Variants in NEDD9 observed in about 807,000 individuals in gnomAD.
NEDD9 encodes the protein enhancer of filamentation 1.
In NEDD9, 26 loss-of-function variants were observed where a neutral mutation model predicts 76.6. The ratio of observed to expected loss-of-function variants is 0.34; its 90% CI spans 0.25 to 0.47. The LOEUF (loss-of-function observed/expected upper bound fraction) is 0.47. Ranked by LOEUF, NEDD9 falls within the 20% of genes least tolerant of loss-of-function variation. NEDD9 has a pLI of 1.00. For synonymous variants in NEDD9, 392 were observed against 414.2 expected, an observed-to-expected ratio of 0.95 and a Z score of 0.65; for missense variants, 937 against 1,058.5, an observed-to-expected ratio of 0.89 and a Z score of 1.59.
At chr6:11,347,599 C>T (rs1361420974) in intron 1 of NEDD9, among the ~76,000 whole-genome samples, 1 of 152,186 alleles carries the variant, frequency 6.6e-6, no homozygotes, top group African/African-American at 2.4e-5. Context: ...TAATCAACCA[C>T]AATCAAGTAG....
At chr6:11,301,417 G>A (rs1761041459) in intron 3 of NEDD9, among the ~76,000 whole-genome samples, 1 of 152,136 alleles carries the variant, frequency 6.6e-6, no homozygotes, top group Admixed American at 6.5e-5. Context: ...CAATAATAAT[G>A]GGAGACTTTA....
chr6:11,189,800 C>T (rs1284479067), intron 5 of NEDD9, among the ~76,000 whole-genome samples, 164 bp downstream of exon 5: 1 of 152,170 alleles, frequency 6.6e-6, no homozygotes, highest in Non-Finnish European at 1.5e-5. Flanking sequence ...CTCAGCCCAG[C>T]GTTCTTACTA....
chr6:11,319,163 C>T (rs892104898), intron 2 of NEDD9, among the ~76,000 whole-genome samples: 4 of 152,230 alleles, frequency 2.6e-5, no homozygotes, highest in African/African-American at 9.7e-5. Context: ...CTCTTCTGCC[C>T]ACTCAGAACA....
At chr6:11,356,001 G>A (rs147491775) in intron 1 of NEDD9, among the ~76,000 whole-genome samples, 134 of 152,186 alleles carry the variant, frequency 8.8e-4, no homozygotes, top group African/African-American at 2.7e-3. Flanking sequence ...GATTGCAGGC[G>A]TGAGCCACCA....
intron 2 of NEDD9, among the ~76,000 whole-genome samples, chr6:11,312,584 T>C (rs1761403586): frequency 6.6e-6 from 1 of 152,056 alleles, no homozygotes; most frequent in East Asian, 1.9e-4. Flanking sequence ...GTCATGTGAG[T>C]TCCCAATCTC....
chr6:11,269,296 A>C (rs1760257741), intron 3 of NEDD9, among the ~76,000 whole-genome samples: 1 of 152,220 alleles, frequency 6.6e-6, no homozygotes. Flanking sequence ...GGGGATGAGG[A>C]TTGAGAGAAC....
rs114746151 is a variant in NEDD9 at position 11,212,145 on chromosome 6, T to C, written c.459+1136A>G. On this transcript the variant is annotated intron_variant, in intron 2 of 6. Transcript: ENST00000379446. Reference sequence around the variant, plus strand: ...TACTTGGGGCAGGACACATCTATAGTTAGTGTTCTAAGGGTCAACAAGCTC... The same window carrying C: ...TACTTGGGGCAGGACACATCTATAGCTAGTGTTCTAAGGGTCAACAAGCTC... Among the ~76,000 whole-genome samples, 445 of 152,316 alleles carry C rather than the reference T, an allele frequency of 2.9e-3. 4 individuals are homozygous for C. The highest frequency in any genetic ancestry group is 0.01 in the African/African-American group (421 of 41,562).
At chr6:11,292,396 T>C (rs1232557146) in intron 3 of NEDD9, among the ~76,000 whole-genome samples, 2 of 152,236 alleles carry the variant, frequency 1.3e-5, no homozygotes, top group Non-Finnish European at 2.9e-5. Context: ...TTGTGACCCA[T>C]AATCAAACCC....
intron 3 of NEDD9, among the ~76,000 whole-genome samples, chr6:11,290,921 C>T (rs1373770748): frequency 6.6e-6 from 1 of 152,300 alleles, no homozygotes; most frequent in Middle Eastern, 3.4e-3. Flanking sequence ...GAGTGCTAGA[C>T]GGTAGAGTGC....
chr6:11,351,557 C>T (rs977218617), intron 1 of NEDD9, among the ~76,000 whole-genome samples: 7 of 152,194 alleles, frequency 4.6e-5, no homozygotes, highest in African/African-American at 9.7e-5. Flanking sequence ...ACATTGGACC[C>T]TGGTGTGAGT....
chr6:11,357,953 A>G (rs60191575), intron 1 of NEDD9, among the ~76,000 whole-genome samples: 46,899 of 152,098 alleles, frequency 0.31, 7,690 homozygotes, highest in African/African-American at 0.42. Flanking sequence ...GCAGCCATTC[A>G]ACTAAAGAAG....
chr6:11,190,926 C>G lies in NEDD9; in HGVS notation c.943G>C (p.Asp315His). Reference protein sequence around the residue: ...QLGQSVGSQNDAYDVPRGVQF... With the variant: ...QLGQSVGSQNHAYDVPRGVQF... ...ACGCCTCGGGGGACATCATATGCGTCGTTCTGAGAGCCCACTGACTGTCCG... is the reference window on the plus strand; with the variant it reads ...ACGCCTCGGGGGACATCATATGCGTGGTTCTGAGAGCCCACTGACTGTCCG... The change falls in exon 5 of 7, where the codon GAC becomes CAC. Residue 315 changes from aspartate to histidine, a missense_variant. By Grantham distance (81) the Asp-to-His change is moderately conservative (BLOSUM62 -1). Transcript: ENST00000379446. This position sits in a 1 kb window ranked among gnomAD's most constrained non-coding sequence, Gnocchi z 5.8. 6.2e-7 allele frequency: 1 copy of G among 1,614,010 alleles called. No homozygotes were observed. Among genetic ancestry groups the G allele is most frequent in the Non-Finnish European group, 8.5e-7 (1 of 1,180,010 alleles).
At chr6:11,227,750 T>C (rs1274060099) in intron 1 of NEDD9, among the ~76,000 whole-genome samples, 1 of 152,110 alleles carries the variant, frequency 6.6e-6, no homozygotes, top group Admixed American at 6.5e-5. Flanking sequence ...ATCCTTTAGA[T>C]AACGATTTGA....
intron 1 of NEDD9, among the ~76,000 whole-genome samples, chr6:11,226,066 A>G (rs982815559): frequency 1.3e-5 from 2 of 152,180 alleles, no homozygotes; most frequent in African/African-American, 4.8e-5. Context: ...AATGAAGGGT[A>G]CAAAAGGTTA....
chr6:11,243,802 C>T (rs766688423), intron 3 of NEDD9, among the ~76,000 whole-genome samples: 1 of 152,192 alleles, frequency 6.6e-6, no homozygotes. Flanking sequence ...ATGACAATCA[C>T]ATCTCCCAAC....
chr6:11,235,035 T>G (rs1212533622), upstream of NEDD9, among the ~76,000 whole-genome samples: 1 of 152,198 alleles, frequency 6.6e-6, no homozygotes, highest in African/African-American at 2.4e-5. This position sits in a 1 kb window ranked among gnomAD's most constrained non-coding sequence, Gnocchi z 4.1. Flanking sequence ...AATTTTGATG[T>G]CCTTCAGTAT....
chr6:11,276,681 T>C (rs1449071233), intron 3 of NEDD9, among the ~76,000 whole-genome samples: 3 of 152,188 alleles, frequency 2.0e-5, no homozygotes, highest in Non-Finnish European at 4.4e-5. Flanking sequence ...CTGATTCTGA[T>C]GCTTTTGCAG....
chr6:11,244,842 C>A (rs888713503), intron 3 of NEDD9, among the ~76,000 whole-genome samples: 1 of 152,166 alleles, frequency 6.6e-6, no homozygotes, highest in South Asian at 2.1e-4. Context: ...ATGGAGAGAA[C>A]CCTAATCCTG....
chr6:11,329,857 G>A (rs2113495989), intron 2 of NEDD9, among the ~76,000 whole-genome samples: 1 of 152,274 alleles, frequency 6.6e-6, no homozygotes, highest in Non-Finnish European at 1.5e-5. Context: ...CCCCAACAAA[G>A]AAGAATCCAG....
Sources: gnomAD v4.1 joint callset for allele counts (sites outside exome capture counted in the v4.1 genomes callset) on GRCh38, gnomAD v4.1.1 for gene constraint, Gnocchi (gnomAD v3.1) non-coding constraint, MANE v1.5 for transcripts, NCBI Gene and HGNC (gene_info 2026-07-23, HGNC 2026-07-21) for gene names.